Variants in CCDC102B observed in about 807,000 individuals in gnomAD.
CCDC102B encodes the protein coiled-coil domain-containing protein 102B.
A neutral mutation model predicts 57.4 loss-of-function variants in CCDC102B; 75 were observed. That is an observed-to-expected ratio of 1.31 (90% CI 1.08 to 1.58). CCDC102B has a LOEUF of 1.58. Ranked by LOEUF, CCDC102B falls within the 40% of genes most tolerant of loss-of-function variation. The probability of loss-of-function intolerance (pLI) is 0.00; values close to 1 mark genes in which losing one functional copy is unlikely to be tolerated. For synonymous variants in CCDC102B, 206 were observed against 201.9 expected (o/e 1.02, Z -0.17); for missense variants, 636 against 582.6 (o/e 1.09, Z -0.94).
intron 1 of CCDC102B, among the ~76,000 whole-genome samples, chr18:68,813,774 T>TTA (rs142225933): frequency 0.056 from 8,191 of 145,908 alleles, 393 homozygotes; most frequent in African/African-American, 0.13. Context: ...AAATATAATT[T>TTA]TATATATATA....
At chr18:68,743,045 C>T (rs1278038131) in intron 2 of CCDC102B, among the ~76,000 whole-genome samples, 1 of 151,928 alleles carries the variant, frequency 6.6e-6, no homozygotes, top group Non-Finnish European at 1.5e-5. Flanking sequence ...GTTAGACATC[C>T]TGACCTGACT....
intron 6 of CCDC102B, among the ~76,000 whole-genome samples, chr18:68,981,416 A>T (rs2050577684): frequency 2.6e-5 from 4 of 152,088 alleles, no homozygotes; most frequent in Admixed American, 6.6e-5. Flanking sequence ...ATGGTGTGAA[A>T]GTCTTGATAT....
At position 68,880,437 on chromosome 18, in the gene CCDC102B, G is replaced by T. The variant is rs188043583; in HGVS notation, c.1053+5652G>T. 1.2e-3 allele frequency among the ~76,000 whole-genome samples: 177 copies of T among 152,310 alleles called. 1 individual carries two copies. The East Asian group carries it at 0.032, about 27-fold the overall frequency. On this transcript the variant is annotated intron_variant, in intron 5 of 7. Transcript: ENST00000360242. The stretch of plus-strand genomic sequence containing the variant: ...CCAGCCTTGGCCAGCCCAGAAAGGG[G>T]CTCCCACAGTGCAGCGGTGGGCTGA...
chr18:69,004,922 T>G (rs1267662059), intron 6 of CCDC102B, among the ~76,000 whole-genome samples: 1 of 152,196 alleles, frequency 6.6e-6, no homozygotes, highest in African/African-American at 2.4e-5. Context: ...AATATGCTGA[T>G]TAAGACGGAT....
intron 7 of CCDC102B, among the ~76,000 whole-genome samples, chr18:69,041,373 G>T (rs2052430807): frequency 6.6e-6 from 1 of 151,878 alleles, no homozygotes; most frequent in African/African-American, 2.4e-5. Flanking sequence ...TGCACTTATG[G>T]TTAACATGAC....
intron 1 of CCDC102B, among the ~76,000 whole-genome samples, chr18:68,806,855 T>TG (rs2036051399): frequency 6.6e-6 from 1 of 152,188 alleles, no homozygotes. Context: ...TTTCATGCTG[T>TG]GTTTAATTAG....
At chr18:68,956,597 A>T (rs201135718) in intron 6 of CCDC102B, among the ~76,000 whole-genome samples, 3 of 52,860 alleles carry the variant, frequency 5.7e-5, no homozygotes, top group Admixed American at 7.2e-4. Flanking sequence ...TTATATATAT[A>T]TTATATATAT....
At chr18:68,742,382 A>G (rs2033429937) in intron 2 of CCDC102B, among the ~76,000 whole-genome samples, 1 of 152,186 alleles carries the variant, frequency 6.6e-6, no homozygotes, top group African/African-American at 2.4e-5. Context: ...CAACTAAATT[A>G]CATCTTAATT....
At chr18:68,799,560 C>T (rs1168802023) in intron 1 of CCDC102B, among the ~76,000 whole-genome samples, 1 of 152,076 alleles carries the variant, frequency 6.6e-6, no homozygotes, top group Non-Finnish European at 1.5e-5. Flanking sequence ...GCTGATATTA[C>T]AAGACCAATT....
chr18:68,715,346 T>C (rs1292035641), exon 1 of CCDC102B: 13 of 842,938 alleles, frequency 1.5e-5, no homozygotes, highest in Non-Finnish European at 2.0e-5. Context: ...CCGGTGAAAG[T>C]TATGCTGAGG....
chr18:68,976,660 A>T (rs2145277350), intron 6 of CCDC102B, among the ~76,000 whole-genome samples: 1 of 152,162 alleles, frequency 6.6e-6, no homozygotes, highest in South Asian at 2.1e-4. Context: ...TGACCTTTTA[A>T]ACATGATTTT....
chr18:68,773,199 C>G (rs1015232326), intron 2 of CCDC102B, among the ~76,000 whole-genome samples: 3 of 151,888 alleles, frequency 2.0e-5, no homozygotes, highest in Admixed American at 6.6e-5. Flanking sequence ...TCAAAAGAAT[C>G]GGATTGAGTT....
intron 4 of CCDC102B, among the ~76,000 whole-genome samples, chr18:68,849,800 T>C (rs772881572): frequency 5.3e-5 from 8 of 152,094 alleles, no homozygotes; most frequent in Non-Finnish European, 1.2e-4. Flanking sequence ...TAAATTCCAG[T>C]AAGTAATACC....
chr18:68,816,469 T>C (rs1284918065), intron 1 of CCDC102B, among the ~76,000 whole-genome samples: 2 of 127,376 alleles, frequency 1.6e-5, no homozygotes, highest in Admixed American at 7.6e-5. Context: ...CTTTTTTTTT[T>C]TTTTTTTTTT....
intron 6 of CCDC102B, among the ~76,000 whole-genome samples, chr18:68,950,605 G>A (rs759643162): frequency 5.9e-5 from 9 of 151,880 alleles, no homozygotes; most frequent in Non-Finnish European, 1.3e-4. Flanking sequence ...CATTCTCACC[G>A]TCGATTCTCA....
chr18:68,886,596 T>C (rs954043762), intron 5 of CCDC102B, among the ~76,000 whole-genome samples: 1 of 152,102 alleles, frequency 6.6e-6, no homozygotes, highest in Non-Finnish European at 1.5e-5. Flanking sequence ...CAATGTTTGT[T>C]TTTCAAATAA....
intron 5 of CCDC102B, among the ~76,000 whole-genome samples, chr18:68,885,288 A>G (rs939221237): frequency 6.6e-6 from 1 of 152,118 alleles, no homozygotes; most frequent in African/African-American, 2.4e-5. Flanking sequence ...TAATTTAGCA[A>G]TTAGTCCCCC....
chr18:68,816,459 C>CTTTTTT (rs869077830), intron 1 of CCDC102B, among the ~76,000 whole-genome samples: 61 of 100,584 alleles, frequency 6.1e-4, no homozygotes, highest in African/African-American at 8.4e-4. Context: ...TATTTCCTTT[C>CTTTTTT]TTTTTTTTTT....
At chr18:69,007,826 G>A (rs543856284) in intron 6 of CCDC102B, among the ~76,000 whole-genome samples, 1 of 152,126 alleles carries the variant, frequency 6.6e-6, no homozygotes. Flanking sequence ...GCCTATGGCC[G>A]GGGTGGAATT....
Sources: gnomAD v4.1 joint callset for allele counts (sites outside exome capture counted in the v4.1 genomes callset) on GRCh38, gnomAD v4.1.1 for gene constraint, MANE v1.5 for transcripts, NCBI Gene and HGNC (gene_info 2026-07-23, HGNC 2026-07-21) for gene names.